The following SCARA5 variants were observed in gnomAD, a reference collection of about 807,000 sequenced individuals.
SCARA5 encodes the protein scavenger receptor class A member 5.
A neutral mutation model predicts 46.3 loss-of-function variants in SCARA5; 45 were observed. The ratio of observed to expected loss-of-function variants is 0.97; its 90% CI spans 0.76 to 1.24. The LOEUF is 1.24. Ranked by LOEUF, SCARA5 falls within the 50% of genes most tolerant of loss-of-function variation. The probability of loss-of-function intolerance (pLI) is 0.00; values close to 1 mark genes in which losing one functional copy is unlikely to be tolerated. For missense variants in SCARA5, 680 were observed against 689.0 expected, an observed-to-expected ratio of 0.99 and a Z score of 0.15; for synonymous variants, 333 against 306.5, an observed-to-expected ratio of 1.09 and a Z score of -0.90.
intron 8 of SCARA5, among the ~76,000 whole-genome samples, chr8:27,876,007 G>A (rs1372415155): frequency 6.6e-6 from 1 of 151,912 alleles, no homozygotes; most frequent in Non-Finnish European, 1.5e-5. Context: ...CTTAAAAAGA[G>A]AAAAAAAGAA....
rs77033097 is a variant in SCARA5 at position 27,890,931 on chromosome 8, G to C, written c.1154-11165C>G. On this transcript the variant is annotated intron_variant, in intron 7 of 8. Coordinates refer to ENST00000354914, the MANE Select transcript of SCARA5 (RefSeq NM_173833.6). Reference sequence around the variant, plus strand: ...GTTCCAGGTTGTCCCGGCAGGTGTGGGTCTGAAGCAAGCAGCGTGGTGGGT... The same window carrying C: ...GTTCCAGGTTGTCCCGGCAGGTGTGCGTCTGAAGCAAGCAGCGTGGTGGGT... 7.8e-3 allele frequency among the ~76,000 whole-genome samples: 1,183 copies of C among 152,282 alleles called. 6 individuals carry two copies. Among genetic ancestry groups the C allele is most frequent in the Non-Finnish European group, 0.014 (947 of 68,026 alleles).
intron 2 of SCARA5, among the ~76,000 whole-genome samples, chr8:27,974,526 CTTG>C (rs1423609226): frequency 2.0e-5 from 3 of 151,930 alleles, no homozygotes; most frequent in Non-Finnish European, 2.9e-5. Context: ...CTACTTTCTT[CTTG>C]TTGTCTTTGG....
intron 3 of SCARA5, among the ~76,000 whole-genome samples, chr8:27,944,014 G>T (rs1807992487): frequency 6.6e-6 from 1 of 152,192 alleles, no homozygotes; most frequent in Admixed American, 6.5e-5. Context: ...CTTAGAAAGT[G>T]TTACTGCCAA....
chr8:27,929,668 C>A (rs372088380), intron 3 of SCARA5, among the ~76,000 whole-genome samples: 2 of 152,174 alleles, frequency 1.3e-5, no homozygotes, highest in Admixed American at 1.3e-4. Context: ...CTGTCCCTTA[C>A]CCTGTCCTCC....
chr8:27,951,820 G>A (rs780765544), intron 3 of SCARA5, among the ~76,000 whole-genome samples: 2 of 152,168 alleles, frequency 1.3e-5, no homozygotes, highest in Non-Finnish European at 2.9e-5. Context: ...GACTTCGAGC[G>A]AACTCGAACA....
At chr8:27,956,053 A>G (rs905901394) in intron 3 of SCARA5, among the ~76,000 whole-genome samples, 3 of 152,224 alleles carry the variant, frequency 2.0e-5, no homozygotes, top group Non-Finnish European at 2.9e-5. Context: ...TTAAATAACC[A>G]AGTGGGGAGG....
intron 8 of SCARA5, 149 bp from the exon 9 acceptor site, chr8:27,872,219 C>T (rs1484156777): frequency 2.9e-6 from 2 of 697,562 alleles, no homozygotes; most frequent in Admixed American, 2.8e-5. Flanking sequence ...CCCCCGAAGA[C>T]CTCATACTTA....
At chr8:27,898,230 G>A (rs1245762755) in intron 7 of SCARA5, among the ~76,000 whole-genome samples, 1 of 130,718 alleles carries the variant, frequency 7.7e-6, no homozygotes, top group Non-Finnish European at 1.8e-5. Flanking sequence ...AATCGGAATT[G>A]AACTGTTTTC....
intron 3 of SCARA5, among the ~76,000 whole-genome samples, chr8:27,951,027 G>C (rs148811087): frequency 6.6e-6 from 1 of 152,136 alleles, no homozygotes; most frequent in South Asian, 2.1e-4. Context: ...GGGTCTCCAC[G>C]TTACTCAGAG....
In SCARA5 at chr8:27,921,752, C is replaced by A; in HGVS notation, c.735G>T (p.Leu245=). The change falls in exon 4 of 9, where the codon CTG becomes CTT. Residue 245 remains leucine (L), a synonymous_variant. Coordinates refer to ENST00000354914, the MANE Select transcript of SCARA5 (RefSeq NM_173833.6). ...SYDVALHRTR[L]QDLRVLVSNA... ...TGCTCACCAGCACCCGCAGGTCCTG[C>A]AGCCGCGTGCGGTGGAGGGCCACGT... is the stretch of plus-strand genomic sequence containing the variant. 2 of 1,582,910 alleles carry A rather than the reference C, an allele frequency of 1.3e-6. No homozygotes were observed. Among genetic ancestry groups the A allele is most frequent in the Non-Finnish European group, 1.7e-6 (2 of 1,167,342 alleles).
At chr8:27,936,677 T>C (rs1425843044) in intron 3 of SCARA5, among the ~76,000 whole-genome samples, 1 of 131,976 alleles carries the variant, frequency 7.6e-6, no homozygotes, top group East Asian at 2.6e-4. Flanking sequence ...CATCTGCAAA[T>C]AAACCCTGTC....
intron 3 of SCARA5, among the ~76,000 whole-genome samples, chr8:27,964,332 C>A (rs1808336129): frequency 6.6e-6 from 1 of 152,150 alleles, no homozygotes; most frequent in Non-Finnish European, 1.5e-5. Context: ...AGCTCCGTCC[C>A]AATCCACCCC....
At chr8:27,982,147 C>T (rs1177241942) in intron 2 of SCARA5, among the ~76,000 whole-genome samples, 1 of 152,112 alleles carries the variant, frequency 6.6e-6, no homozygotes, top group Admixed American at 6.5e-5. Flanking sequence ...GTCCTATTTG[C>T]GGCCATGGAT....
chr8:27,916,403 G>A (rs995497016), intron 4 of SCARA5, among the ~76,000 whole-genome samples: 15 of 108,522 alleles, frequency 1.4e-4, no homozygotes, highest in South Asian at 3.2e-4. Flanking sequence ...ATATGTATAC[G>A]TATATGTGCA....
chr8:27,934,596 G>A (rs1807826176), intron 3 of SCARA5, among the ~76,000 whole-genome samples: 1 of 152,160 alleles, frequency 6.6e-6, no homozygotes, highest in Non-Finnish European at 1.5e-5. Flanking sequence ...TCAGATCCTG[G>A]CTGATGATGA....
rs1160156508 is a variant in SCARA5 at position 27,907,262 on chromosome 8, A to G, written c.998-16T>C. The G allele has an allele frequency of 6.3e-7, 1 of 1,588,142 alleles. No homozygotes were observed. The highest frequency in any genetic ancestry group is 1.7e-5 in the Admixed American group (1 of 59,420). ...CCGGGCAGACCTGGGGAGAAAACAG[A>G]CAAATGGCAGAGCCTCAGATGCAGA... On this transcript the variant is annotated splice_polypyrimidine_tract_variant and intron_variant, in intron 5 of 8. Transcript: ENST00000354914.
At position 27,871,754 on chromosome 8, in the gene SCARA5, C is replaced by T. The variant is rs1037610660; in HGVS notation, c.*180G>A. 2 of 1,441,588 alleles carry T rather than the reference C, an allele frequency of 1.4e-6. No individual in the cohort carries two copies. The highest frequency in any genetic ancestry group is 1.4e-5 in the African/African-American group (1 of 70,080). 89.3% of individuals were successfully genotyped at this position (1,441,588 alleles called of 1,614,324 possible). A position where few individuals can be genotyped will look rare whatever the true frequency, so the allele number is the denominator to read the frequency against. ...TAGGTCCCAGAGTTATACTTCGGAGCACATGTTCAAGAGGGAAATGACGAC... is the reference window on the plus strand; with the variant it reads ...TAGGTCCCAGAGTTATACTTCGGAGTACATGTTCAAGAGGGAAATGACGAC... On this transcript the variant is annotated 3_prime_UTR_variant, in exon 9 of 9. Coordinates refer to ENST00000354914, the MANE Select transcript of SCARA5 (RefSeq NM_173833.6).
intron 8 of SCARA5, among the ~76,000 whole-genome samples, chr8:27,875,493 T>A (rs192790238): frequency 6.6e-6 from 1 of 152,192 alleles, no homozygotes; most frequent in East Asian, 1.9e-4. Flanking sequence ...GGAAAGATCA[T>A]TGAGCTGCCT....
chr8:27,979,357 G>A (rs151085084), intron 2 of SCARA5, among the ~76,000 whole-genome samples: 1 of 152,298 alleles, frequency 6.6e-6, no homozygotes, highest in Non-Finnish European at 1.5e-5. Flanking sequence ...TTGGGGTGTG[G>A]TCTATGTATC....
Sources: allele counts gnomAD v4.1 joint callset (sites outside exome capture counted in the v4.1 genomes callset), GRCh38; gene constraint gnomAD v4.1.1; transcripts MANE v1.5; gene names NCBI Gene and HGNC (gene_info 2026-07-23, HGNC 2026-07-21).